The following CATSPERB variants were observed in gnomAD, a reference collection of about 807,000 sequenced individuals.
CATSPERB encodes cation channel sperm-associated auxiliary subunit beta.
A neutral mutation model predicts 128.3 loss-of-function variants in CATSPERB; 93 were observed. That is an observed-to-expected ratio of 0.72 (90% CI 0.61 to 0.86). The LOEUF is 0.86. Ranked by LOEUF, CATSPERB falls within the 40% of genes least tolerant of loss-of-function variation. The pLI, the probability that CATSPERB is intolerant of heterozygous loss-of-function variation, is 0.00. For synonymous variants in CATSPERB, 381 were observed against 448.8 expected, an observed-to-expected ratio of 0.85 and a Z score of 1.91; for missense variants, 1,153 against 1,329.5, an observed-to-expected ratio of 0.87 and a Z score of 2.06.
At chr14:91,684,397 A>C (rs111553326) in intron 10 of CATSPERB, among the ~76,000 whole-genome samples, 4,065 of 152,306 alleles carry the variant, frequency 0.027, 98 homozygotes, top group Middle Eastern at 0.065. Context: ...AATATATTGA[A>C]TATGTTGGAT....
At position 91,704,575 on chromosome 14, in the gene CATSPERB, A is replaced by G. The variant is rs758581057; in HGVS notation, c.593T>C (p.Phe198Ser). Residue 198 changes from phenylalanine (F) to serine (S), a missense_variant, in exon 7 of 27, where the codon TTC (phenylalanine) becomes TCC (serine). Phe to Ser is a radical substitution (Grantham distance 155, BLOSUM62 -2). Transcript: ENST00000256343. ...ACCATCAACTATTGTATCCACAATGAAGCCTAGTAATGCCACATCATTGGC... is the reference window on the plus strand; with the variant it reads ...ACCATCAACTATTGTATCCACAATGGAGCCTAGTAATGCCACATCATTGGC... ...PCANDVALLG[F>S]IVDTIVDGVY... The G allele has an allele frequency of 5.6e-6, 9 of 1,613,690 alleles. No homozygotes were observed. The highest frequency in any genetic ancestry group is 7.6e-6 in the Non-Finnish European group (9 of 1,179,752).
chr14:91,606,823 G>A (rs1017298571), intron 22 of CATSPERB, among the ~76,000 whole-genome samples: 2 of 152,082 alleles, frequency 1.3e-5, no homozygotes, highest in Non-Finnish European at 2.9e-5. Context: ...TAAAAGATGG[G>A]GTAGTAATCA....
At chr14:91,603,965 A>ATTTTTTTTTT (rs35843912) in intron 22 of CATSPERB, among the ~76,000 whole-genome samples, 1 of 139,336 alleles carries the variant, frequency 7.2e-6, no homozygotes, top group Non-Finnish European at 1.5e-5. Context: ...AACTTCATCT[A>ATTTTTTTTTT]TTTTTTTTTT....
chr14:91,687,968 A>AAG (rs1253886718), intron 10 of CATSPERB, among the ~76,000 whole-genome samples: 1 of 150,846 alleles, frequency 6.6e-6, no homozygotes, highest in South Asian at 2.1e-4. Context: ...AAAAAAAAAA[A>AAG]TCCTTATCTA....
intron 15 of CATSPERB, among the ~76,000 whole-genome samples, chr14:91,657,397 A>T (rs1032439326): frequency 5.0e-4 from 14 of 28,064 alleles, no homozygotes; most frequent in South Asian, 1.8e-3. Flanking sequence ...AAAAACTATA[A>T]AAAAAAACTA....
chr14:91,617,273 A>G (rs1476608287), intron 20 of CATSPERB, among the ~76,000 whole-genome samples: 5 of 152,206 alleles, frequency 3.3e-5, no homozygotes, highest in African/African-American at 1.2e-4. Flanking sequence ...GCAAAAGGGT[A>G]ATTTCATACA....
intron 14 of CATSPERB, among the ~76,000 whole-genome samples, chr14:91,661,549 T>TATA (rs1894886330): frequency 1.9e-5 from 1 of 52,664 alleles, no homozygotes; most frequent in Non-Finnish European, 4.0e-5. Flanking sequence ...ATATATATAT[T>TATA]TAAGACAGGG....
At chr14:91,680,438 C>T (rs2139837430) in intron 11 of CATSPERB, among the ~76,000 whole-genome samples, 1 of 152,344 alleles carries the variant, frequency 6.6e-6, no homozygotes, top group South Asian at 2.1e-4. Flanking sequence ...TAACTAATTG[C>T]TACAAGCTAA....
intron 4 of CATSPERB, 144 bp from the exon 5 acceptor site, chr14:91,719,622 T>C (rs563793883): frequency 3.4e-6 from 2 of 590,234 alleles, no homozygotes; most frequent in Admixed American, 6.6e-5. Flanking sequence ...CTTAGGAATT[T>C]TTCCTACATT....
chr14:91,724,767 A>C (rs919275114), intron 3 of CATSPERB, among the ~76,000 whole-genome samples: 1 of 152,122 alleles, frequency 6.6e-6, no homozygotes, highest in Non-Finnish European at 1.5e-5. Context: ...TCCTTCTCTA[A>C]TAGGCTACAT....
intron 20 of CATSPERB, among the ~76,000 whole-genome samples, chr14:91,615,233 G>A (rs191598548): frequency 3.7e-4 from 57 of 152,246 alleles, no homozygotes; most frequent in African/African-American, 1.2e-3. Flanking sequence ...ATCGGCGGCA[G>A]CATTAGATTC....
chr14:91,603,515 C>T (rs898272291), intron 22 of CATSPERB: 21 of 943,914 alleles, frequency 2.2e-5, no homozygotes, highest in African/African-American at 1.8e-4. Context: ...GCTGAAATGC[C>T]GGCCAGCAAG....
intron 21 of CATSPERB, among the ~76,000 whole-genome samples, chr14:91,609,361 C>G (rs1893777491): frequency 6.6e-6 from 1 of 152,174 alleles, no homozygotes; most frequent in Non-Finnish European, 1.5e-5. Flanking sequence ...TTGCAATTTA[C>G]TGGCTAGGTG....
At chr14:91,603,554 C>A (rs1893644971) in intron 22 of CATSPERB, 8 of 709,386 alleles carry the variant, frequency 1.1e-5, no homozygotes, top group Non-Finnish European at 2.0e-5. Flanking sequence ...GACCCCACCG[C>A]TCTAGAGCCT....
At chr14:91,586,213 G>A (rs879543878) in intron 26 of CATSPERB, among the ~76,000 whole-genome samples, 1 of 152,136 alleles carries the variant, frequency 6.6e-6, no homozygotes, top group Admixed American at 6.5e-5. Context: ...TCATAGAGAT[G>A]TCCCCCCATG....
Position 91,585,848 on chromosome 14 carries a change from T to C in CATSPERB, c.3132+1354A>G, listed in dbSNP as rs75422003. On this transcript the variant is annotated intron_variant, in intron 26 of 26. Coordinates refer to ENST00000256343, the MANE Select transcript of CATSPERB (RefSeq NM_024764.4). ...TGCATCCTGGACATTTTTGATGTTA[T>C]GTTGGGAGATTCTGGTTCTTGTTTA... Among the ~76,000 whole-genome samples the C allele has an allele frequency of 9.8e-4, 149 of 152,354 alleles. No homozygotes were observed. The East Asian group carries it at 0.023, about 23-fold the overall frequency.
chr14:91,694,454 A>G (rs1236046097), intron 7 of CATSPERB, among the ~76,000 whole-genome samples: 1 of 150,990 alleles, frequency 6.6e-6, no homozygotes, highest in Non-Finnish European at 1.5e-5. Flanking sequence ...AAAAAAAAAA[A>G]AAAAAAAAAA....
chr14:91,582,306 C>A (rs1048035369), intron 26 of CATSPERB, among the ~76,000 whole-genome samples: 5 of 152,222 alleles, frequency 3.3e-5, no homozygotes, highest in Admixed American at 1.3e-4. Flanking sequence ...TTCACTCTGA[C>A]ATTCAAAGCC....
chr14:91,636,383 T>G (rs750617253), intron 17 of CATSPERB, 42 bp downstream of exon 17: 3 of 1,586,410 alleles, frequency 1.9e-6, no homozygotes, highest in Non-Finnish European at 2.6e-6. Context: ...AAAAGTAGAT[T>G]CTAGAAACCA....
Sources: gnomAD v4.1 joint callset for allele counts (sites outside exome capture counted in the v4.1 genomes callset) on GRCh38, gnomAD v4.1.1 for gene constraint, MANE v1.5 for transcripts, NCBI Gene and HGNC (gene_info 2026-07-23, HGNC 2026-07-21) for gene names.